Variants in FRMD3 observed in about 807,000 individuals in gnomAD.
FRMD3 encodes the protein FERM domain-containing protein 3.
A neutral mutation model predicts 70.2 loss-of-function variants in FRMD3; 33 were observed. That is an observed-to-expected ratio of 0.47 (90% confidence interval 0.36 to 0.63). The LOEUF (loss-of-function observed/expected upper bound fraction) is 0.63. Among genes scored for constraint, FRMD3 ranks in the 20% least tolerant of loss-of-function variants. The probability of loss-of-function intolerance (pLI) is 0.00; values close to 1 mark genes in which losing one functional copy is unlikely to be tolerated. For missense variants in FRMD3, 632 were observed against 711.4 expected, an observed-to-expected ratio of 0.89 and a Z score of 1.27; for synonymous variants, 279 against 255.9, an observed-to-expected ratio of 1.09 and a Z score of -0.86.
chr9:83,284,437 G>A (rs1196384745), intron 13 of FRMD3, among the ~76,000 whole-genome samples: 2 of 152,040 alleles, frequency 1.3e-5, no homozygotes, highest in African/African-American at 2.4e-5. Flanking sequence ...GTGAAACCCC[G>A]TCTCTACCAA....
intron 4 of FRMD3, among the ~76,000 whole-genome samples, chr9:83,348,830 C>A (rs967729554): frequency 6.6e-6 from 1 of 152,254 alleles, no homozygotes; most frequent in African/African-American, 2.4e-5. Context: ...CCCAAAGTCA[C>A]CTCCATGCCA....
chr9:83,495,210 G>A (rs1000744306), intron 1 of FRMD3, among the ~76,000 whole-genome samples: 1 of 152,160 alleles, frequency 6.6e-6, no homozygotes, highest in African/African-American at 2.4e-5. Context: ...GACAAAGAGG[G>A]GAGGAGGAAA....
intron 1 of FRMD3, among the ~76,000 whole-genome samples, chr9:83,438,400 G>A (rs937416371): frequency 8.9e-6 from 1 of 112,898 alleles, no homozygotes; most frequent in Non-Finnish European, 1.8e-5. Context: ...ACCTGTCTCA[G>A]AAGAGAGTTT....
At chr9:83,364,631 G>A (rs1042129188) in intron 3 of FRMD3, among the ~76,000 whole-genome samples, 4 of 151,678 alleles carry the variant, frequency 2.6e-5, no homozygotes, top group African/African-American at 9.7e-5. Flanking sequence ...GCACAAATTT[G>A]TCAGGATTTT....
chr9:83,332,037 G>A, intron 6 of FRMD3: 1 of 632,918 alleles, frequency 1.6e-6, no homozygotes, highest in Non-Finnish European at 2.9e-6. Flanking sequence ...GAGTGACAAT[G>A]GTGGGCGGAG....
At chr9:83,261,102 G>GAGACACACACACAC (rs71498040) in intron 13 of FRMD3, among the ~76,000 whole-genome samples, 7 of 133,038 alleles carry the variant, frequency 5.3e-5, no homozygotes, top group African/African-American at 2.0e-4. Context: ...AGGAAACTTA[G>GAGACACACACACAC]ACACACACAC....
In FRMD3 at chr9:83,246,041, T is replaced by C; in HGVS notation, c.*1877A>G. 1.0e-6 allele frequency: 1 copy of C among 985,410 alleles called. No individual in the cohort carries two copies. Among genetic ancestry groups the C allele is most frequent in the Non-Finnish European group, 1.2e-6 (1 of 829,932 alleles). The allele number at this position is 985,410 out of a possible 1,614,324, so 61.0% of individuals were successfully genotyped here. ...TAATGGCAAATATATAGTCATTTGC[T>C]CGACTGCAGGCTTCACGAACTGAGT... On this transcript the variant is annotated 3_prime_UTR_variant, in exon 14 of 14. Coordinates refer to ENST00000304195, the MANE Select transcript of FRMD3 (RefSeq NM_174938.6).
chr9:83,404,001 AC>A (rs1826027311), intron 1 of FRMD3, among the ~76,000 whole-genome samples: 1 of 151,920 alleles, frequency 6.6e-6, no homozygotes, highest in Non-Finnish European at 1.5e-5. Flanking sequence ...CAGGCCTGTG[AC>A]CCACACAGCT....
chr9:83,409,667 T>A (rs566316876), intron 1 of FRMD3, among the ~76,000 whole-genome samples: 1 of 152,260 alleles, frequency 6.6e-6, no homozygotes, highest in African/African-American at 2.4e-5. Context: ...CATTTACATA[T>A]ATTAGCTCGT....
chr9:83,553,420 C>G, the FRMD3 span, among the ~76,000 whole-genome samples: 1 of 152,142 alleles, frequency 6.6e-6, no homozygotes, highest in Non-Finnish European at 1.5e-5. Context: ...TCTTTCATTT[C>G]AACCTTGGAA....
intron 1 of FRMD3, among the ~76,000 whole-genome samples, chr9:83,472,722 T>G (rs1362629931): frequency 2.0e-5 from 3 of 152,242 alleles, no homozygotes; most frequent in Non-Finnish European, 4.4e-5. Flanking sequence ...ATGGATCAAT[T>G]TTTCAAAGTG....
At chr9:83,396,041 G>T (rs1011217802) in intron 1 of FRMD3, among the ~76,000 whole-genome samples, 6 of 152,086 alleles carry the variant, frequency 3.9e-5, no homozygotes, top group African/African-American at 1.4e-4. Flanking sequence ...AACCCATTGG[G>T]GTAGTTAATA....
intron 1 of FRMD3, among the ~76,000 whole-genome samples, chr9:83,523,144 A>AATGGATGGAGGATGG (rs1361061036): frequency 6.6e-6 from 1 of 150,702 alleles, no homozygotes; most frequent in Non-Finnish European, 1.5e-5. Flanking sequence ...TTGTTTGGTG[A>AATGGATGGAGGATGG]ATGGATGGAG....
intron 2 of FRMD3, among the ~76,000 whole-genome samples, chr9:83,383,051 C>G (rs1426241034): frequency 6.6e-6 from 1 of 152,202 alleles, no homozygotes; most frequent in African/African-American, 2.4e-5. Context: ...GTACAAACAC[C>G]CTGCTGGAGA....
chr9:83,277,791 A>G (rs1229741188), intron 13 of FRMD3, among the ~76,000 whole-genome samples: 1 of 152,232 alleles, frequency 6.6e-6, no homozygotes, highest in African/African-American at 2.4e-5. Context: ...TCCTGGTTGC[A>G]TTTAGAATCC....
chr9:83,460,590 C>A (rs964077486), intron 1 of FRMD3, among the ~76,000 whole-genome samples: 1 of 152,004 alleles, frequency 6.6e-6, no homozygotes, highest in Non-Finnish European at 1.5e-5. Flanking sequence ...AAAATGGGAA[C>A]TTTTTATTTT....
rs947338087 is a variant in FRMD3, at chr9:83,301,262, T to A, written c.927-2076A>T. On this transcript the variant is annotated intron_variant, in intron 10 of 13. Transcript: ENST00000304195. Reference sequence around the variant, plus strand: ...TCCCAGCTGTGCCCTCCACCTCCTATGAGGACATGCCTGCTCTGGGTCCAT... The same window carrying A: ...TCCCAGCTGTGCCCTCCACCTCCTAAGAGGACATGCCTGCTCTGGGTCCAT... Among the ~76,000 whole-genome samples, 5 of 152,114 alleles carry A rather than the reference T, an allele frequency of 3.3e-5. No homozygotes were observed. The South Asian group carries it at 8.3e-4, about 25-fold the overall frequency.
chr9:83,312,792 C>G (rs1368447545), intron 7 of FRMD3, among the ~76,000 whole-genome samples: 2 of 142,330 alleles, frequency 1.4e-5, no homozygotes, highest in Non-Finnish European at 3.1e-5. Context: ...CCCAGCAGAT[C>G]CTGACGTAAT....
At chr9:83,340,222 CGATTCATTTCAGGCAAGTGCCCT>C (rs1823711416) in intron 5 of FRMD3, among the ~76,000 whole-genome samples, 1 of 152,008 alleles carries the variant, frequency 6.6e-6, no homozygotes, top group Non-Finnish European at 1.5e-5. Flanking sequence ...GCAAGTGCCC[CGATTCATTTCAGGCAAGTGCCCT>C]GATTCATTTA....
Sources: gnomAD v4.1 joint callset for allele counts (sites outside exome capture counted in the v4.1 genomes callset) on GRCh38, gnomAD v4.1.1 for gene constraint, MANE v1.5 for transcripts, NCBI Gene and HGNC (gene_info 2026-07-23, HGNC 2026-07-21) for gene names.